The following MYO1D variants were observed in gnomAD, a reference collection of about 807,000 sequenced individuals.
The protein encoded by MYO1D is unconventional myosin-Id.
Under a neutral mutation model 122.0 loss-of-function variants are expected in MYO1D, and 83 were observed. The observed-to-expected ratio is 0.68, with a 90% CI of 0.57 to 0.82. MYO1D has a LOEUF of 0.82. Ranked by LOEUF, MYO1D falls within the 40% of genes least tolerant of loss-of-function variation. The pLI is 0.00. For synonymous variants in MYO1D, 464 were observed against 446.9 expected (o/e 1.04, Z -0.48); for missense variants, 1,157 against 1,269.5 (o/e 0.91, Z 1.35).
At chr17:32,870,443 T>C (rs1043305098) in intron 1 of MYO1D, among the ~76,000 whole-genome samples, 2 of 152,086 alleles carry the variant, frequency 1.3e-5, no homozygotes, top group African/African-American at 2.4e-5. Flanking sequence ...CCACCAAATT[T>C]TCCAAATGAC....
At chr17:32,664,890 CAGAAA>C (rs2088616127) in intron 16 of MYO1D, among the ~76,000 whole-genome samples, 1 of 152,198 alleles carries the variant, frequency 6.6e-6, no homozygotes, top group African/African-American at 2.4e-5. Flanking sequence ...TTTCCCTGAG[CAGAAA>C]AGCCAAAGTC....
At chr17:32,851,677 G>A (rs574733069) in intron 1 of MYO1D, among the ~76,000 whole-genome samples, 1 of 152,320 alleles carries the variant, frequency 6.6e-6, no homozygotes, top group East Asian at 1.9e-4. Context: ...TGGACCCAGG[G>A]GGGTGGTTTC....
chr17:32,514,239 CAAAAAAAAAAAAAAAA>C (rs61570449), intron 21 of MYO1D, among the ~76,000 whole-genome samples: 1 of 60,284 alleles, frequency 1.7e-5, no homozygotes, highest in Non-Finnish European at 3.1e-5. Flanking sequence ...GACTTTGTCT[CAAAAAAAAAAAAAAAA>C]AAAAAAAAAA....
At chr17:32,749,499 G>A (rs2089876504) in intron 11 of MYO1D, among the ~76,000 whole-genome samples, 1 of 152,206 alleles carries the variant, frequency 6.6e-6, no homozygotes, top group Admixed American at 6.5e-5. Flanking sequence ...GGGAGGCTGA[G>A]GCAGGCAGAT....
intron 21 of MYO1D, among the ~76,000 whole-genome samples, chr17:32,535,761 A>T (rs1018651705): frequency 1.3e-5 from 2 of 152,218 alleles, no homozygotes; most frequent in Admixed American, 6.5e-5. Context: ...AACAAAACAA[A>T]ACAAAACAAA....
chr17:32,673,880 T>C (rs2088763310), intron 16 of MYO1D, among the ~76,000 whole-genome samples: 2 of 152,222 alleles, frequency 1.3e-5, no homozygotes, highest in South Asian at 2.1e-4. Context: ...TATTTTTGTA[T>C]CTTTACAAAA....
chr17:32,734,480 T>C (rs1393249912), intron 14 of MYO1D, among the ~76,000 whole-genome samples: 1 of 152,182 alleles, frequency 6.6e-6, no homozygotes, highest in Non-Finnish European at 1.5e-5. Context: ...CAGGTTTTCT[T>C]TGGAGTTCCT....
intron 3 of MYO1D, among the ~76,000 whole-genome samples, chr17:32,776,481 G>T (rs1214363063): frequency 6.6e-6 from 1 of 152,130 alleles, no homozygotes; most frequent in East Asian, 1.9e-4. Context: ...GGCAAGGTAG[G>T]ATTTCAGGGA....
chr17:32,666,708 G>A lies in MYO1D; in HGVS notation c.2122-7370C>T, dbSNP rs7209587. On this transcript the variant is annotated intron_variant, in intron 16 of 21. Transcript: ENST00000318217. ...TTTTTCTCCTAGTTCCCCATGTTTT[G>A]TTTTGTTTTGTTTTTCAAAATTCTA... 2.3e-3 allele frequency among the ~76,000 whole-genome samples: 344 copies of A among 152,206 alleles called. 1 individual carries two copies. Among genetic ancestry groups the A allele is most frequent in the African/African-American group, 8.0e-3 (331 of 41,528 alleles).
intron 16 of MYO1D, among the ~76,000 whole-genome samples, chr17:32,680,964 C>G (rs1310622420): frequency 6.6e-6 from 1 of 152,124 alleles, no homozygotes; most frequent in Admixed American, 6.5e-5. Flanking sequence ...TCAACTTCTT[C>G]CTGGTTTAGT....
intron 11 of MYO1D, among the ~76,000 whole-genome samples, chr17:32,752,965 C>T (rs1388426811): frequency 6.6e-6 from 1 of 152,022 alleles, no homozygotes. Flanking sequence ...TATTTGTACT[C>T]GTATGTTTAC....
chr17:32,755,166 T>C (rs757027226), intron 11 of MYO1D, among the ~76,000 whole-genome samples: 6 of 152,232 alleles, frequency 3.9e-5, no homozygotes, highest in Non-Finnish European at 7.3e-5. Context: ...AGTAAAATTC[T>C]AGCACATGAG....
chr17:32,844,403 G>A (rs139059851), intron 1 of MYO1D, among the ~76,000 whole-genome samples: 1,713 of 145,744 alleles, frequency 0.012, 19 homozygotes, highest in Non-Finnish European at 0.016. Context: ...TATATAATAT[G>A]TATATATGTG....
chr17:32,504,193 A>G (rs1410340569), intron 21 of MYO1D, among the ~76,000 whole-genome samples: 2 of 152,204 alleles, frequency 1.3e-5, no homozygotes, highest in East Asian at 3.9e-4. Flanking sequence ...GCCTCTCCAC[A>G]GCACTGAACT....
chr17:32,832,424 C>T (rs913673862), intron 1 of MYO1D, among the ~76,000 whole-genome samples: 5 of 152,098 alleles, frequency 3.3e-5, no homozygotes, highest in East Asian at 3.9e-4. Context: ...CTCAGCCTCC[C>T]GAGTAGCTGG....
intron 21 of MYO1D, chr17:32,497,068 T>G (rs965973429): frequency 1.3e-5 from 2 of 152,506 alleles, no homozygotes; most frequent in African/African-American, 2.4e-5. Flanking sequence ...GCTCCGTGTA[T>G]CTCCAGGATA....
intron 21 of MYO1D, among the ~76,000 whole-genome samples, chr17:32,599,180 C>T (rs1311599672): frequency 6.6e-6 from 1 of 152,236 alleles, no homozygotes; most frequent in African/African-American, 2.4e-5. Flanking sequence ...TCCTCTCAAA[C>T]TCTGTCACTG....
chr17:32,574,820 G>A (rs1419308807), intron 21 of MYO1D, among the ~76,000 whole-genome samples: 1 of 152,202 alleles, frequency 6.6e-6, no homozygotes, highest in Non-Finnish European at 1.5e-5. Context: ...ACAGTGGTTT[G>A]CAGGGATCAT....
chr17:32,527,897 G>A (rs2150871360), intron 21 of MYO1D, among the ~76,000 whole-genome samples: 1 of 149,346 alleles, frequency 6.7e-6, no homozygotes, highest in East Asian at 2.0e-4. Context: ...AGACTGCAGT[G>A]GCACGATCTT....
Sources: gnomAD v4.1 joint callset for allele counts (sites outside exome capture counted in the v4.1 genomes callset) on GRCh38, gnomAD v4.1.1 for gene constraint, MANE v1.5 for transcripts, NCBI Gene and HGNC (gene_info 2026-07-23, HGNC 2026-07-21) for gene names.